C12orf56: variants seen among roughly 807,000 people sequenced by gnomAD.
C12orf56 encodes the protein chromosome 12 open reading frame 56.
C12orf56 carries 71 observed loss-of-function variants against 69.9 expected under a neutral mutation model. The ratio of observed to expected loss-of-function variants is 1.02; its 90% CI spans 0.84 to 1.24. The LOEUF (loss-of-function observed/expected upper bound fraction) is 1.24. Among genes scored for constraint, C12orf56 ranks in the 50% most tolerant of loss-of-function variants. C12orf56 has a pLI of 0.00. For synonymous variants in C12orf56, 276 were observed against 274.1 expected (o/e 1.01, Z -0.07); for missense variants, 732 against 738.5 (o/e 0.99, Z 0.10).
intron 6 of C12orf56, among the ~76,000 whole-genome samples, chr12:64,302,998 C>T (rs2038466107): frequency 6.6e-6 from 1 of 151,928 alleles, no homozygotes; most frequent in Admixed American, 6.6e-5. Flanking sequence ...ACAGGCAGGG[C>T]GCGGTGGTTC....
chr12:64,376,826 G>A (rs2039647874), intron 1 of C12orf56, among the ~76,000 whole-genome samples: 2 of 152,028 alleles, frequency 1.3e-5, no homozygotes, highest in African/African-American at 4.8e-5. Context: ...ATTCCATGGT[G>A]TATATGTACC....
chr12:64,328,645 A>G (rs2038875806), intron 3 of C12orf56, among the ~76,000 whole-genome samples: 1 of 129,484 alleles, frequency 7.7e-6, no homozygotes, highest in South Asian at 2.6e-4. Context: ...GAGCCACTGC[A>G]CTCCAGCCTG....
At chr12:64,284,330 G>A (rs2038171248) in intron 8 of C12orf56, among the ~76,000 whole-genome samples, 1 of 152,204 alleles carries the variant, frequency 6.6e-6, no homozygotes, top group African/African-American at 2.4e-5. Flanking sequence ...CTGTTGTGTG[G>A]ATATAAGGAC....
intron 2 of C12orf56, among the ~76,000 whole-genome samples, chr12:64,347,775 A>T (rs2135945531): frequency 6.6e-6 from 1 of 152,330 alleles, no homozygotes; most frequent in African/African-American, 2.4e-5. Context: ...CTTTTAGTTT[A>T]TGTAACTTTA....
chr12:64,359,876 G>A (rs913943133), intron 1 of C12orf56, among the ~76,000 whole-genome samples: 18 of 152,006 alleles, frequency 1.2e-4, no homozygotes, highest in African/African-American at 3.9e-4. Context: ...CAACATGTCC[G>A]GCTAATTTTT....
intron 11 of C12orf56, among the ~76,000 whole-genome samples, chr12:64,272,203 T>A (rs956299824): frequency 5.3e-5 from 8 of 151,930 alleles, no homozygotes; most frequent in African/African-American, 1.7e-4. Flanking sequence ...TTTTAAAAAT[T>A]TTTTAAAATA....
At chr12:64,329,145 T>G (rs1028097462) in intron 3 of C12orf56, among the ~76,000 whole-genome samples, 1 of 152,124 alleles carries the variant, frequency 6.6e-6, no homozygotes, top group Non-Finnish European at 1.5e-5. Context: ...AAATTTCAAC[T>G]GTCAGATGAA....
intron 1 of C12orf56, among the ~76,000 whole-genome samples, chr12:64,369,157 CAA>C (rs56135769): frequency 1.5e-5 from 2 of 136,954 alleles, no homozygotes. Context: ...CATCTCTCTA[CAA>C]AAAAAAAAAA....
chr12:64,274,256 T>C (rs978845060), intron 11 of C12orf56, among the ~76,000 whole-genome samples: 1 of 146,980 alleles, frequency 6.8e-6, no homozygotes, highest in African/African-American at 2.5e-5. Flanking sequence ...GGGGTGGTGG[T>C]GGGGAGAGGG....
intron 4 of C12orf56, 66 bp downstream of exon 4, chr12:64,318,509 G>A: frequency 7.4e-7 from 1 of 1,342,792 alleles, no homozygotes. Flanking sequence ...AGGGAGGAGG[G>A]CTTGTTTGCT....
Position 64,328,730 on chromosome 12 carries a change from T to TAG in C12orf56, c.488+2229_488+2230insCT, listed in dbSNP as rs1489563875. On this transcript the variant is annotated intron_variant, in intron 3 of 12. Transcript: ENST00000543942. ...AAATATATATATATATATATATATA[T>TAG]ATATATAGTATCACACTTTAACTTA... 9.8e-4 allele frequency among the ~76,000 whole-genome samples: 104 copies of TAG among 106,496 alleles called. 2 individuals are homozygous for TAG. Among genetic ancestry groups the TAG allele is most frequent in the African/African-American group, 3.2e-3 (93 of 29,272 alleles). The allele number at this position is 106,496 out of a possible 152,430, so 69.9% of individuals were successfully genotyped here.
chr12:64,335,039 C>G (rs1010827524), intron 2 of C12orf56, among the ~76,000 whole-genome samples: 7 of 152,130 alleles, frequency 4.6e-5, no homozygotes, highest in African/African-American at 1.7e-4. Context: ...AGAACATCTC[C>G]ATCATTGCCA....
chr12:64,307,131 A>G (rs1163911942), intron 5 of C12orf56, among the ~76,000 whole-genome samples: 1 of 152,138 alleles, frequency 6.6e-6, no homozygotes, highest in Non-Finnish European at 1.5e-5. Context: ...CTTTAAAATC[A>G]CTTTAAATAA....
chr12:64,356,094 G>A (rs2039309245), intron 1 of C12orf56, among the ~76,000 whole-genome samples: 1 of 150,510 alleles, frequency 6.6e-6, no homozygotes, highest in African/African-American at 2.5e-5. Context: ...AACCCGGGAG[G>A]TGGAGGTTGC....
intron 2 of C12orf56, among the ~76,000 whole-genome samples, chr12:64,331,814 A>G (rs993464102): frequency 9.2e-5 from 14 of 152,126 alleles, no homozygotes; most frequent in African/African-American, 3.1e-4. Flanking sequence ...TAAATTACCT[A>G]GTCTAAGGTA....
At chr12:64,314,717 A>G (rs1391120539) in intron 4 of C12orf56, among the ~76,000 whole-genome samples, 3 of 150,940 alleles carry the variant, frequency 2.0e-5, no homozygotes, top group Non-Finnish European at 4.4e-5. Flanking sequence ...TCACGGCAAC[A>G]TCCGCCTCCC....
chr12:64,329,488 T>C lies in C12orf56; in HGVS notation c.488+1472A>G, dbSNP rs1395162956. 6.9e-4 allele frequency among the ~76,000 whole-genome samples: 101 copies of C among 146,096 alleles called. 2 individuals are homozygous for C. In the Admixed American group the frequency reaches 7.2e-3, roughly 10 times the overall value. On this transcript the variant is annotated intron_variant, in intron 3 of 12. Coordinates refer to ENST00000543942, the MANE Select transcript of C12orf56 (RefSeq NM_001170633.2). ...CAATCGTCGGATTATTTTTCTGTAG[T>C]AATGGTTTATTTATTTATTTATTTA...
chr12:64,384,722 A>G (rs1479114923), intron 1 of C12orf56, among the ~76,000 whole-genome samples: 1 of 152,164 alleles, frequency 6.6e-6, no homozygotes, highest in Non-Finnish European at 1.5e-5. Flanking sequence ...GATCTGTAGG[A>G]AATTCATAGA....
chr12:64,373,372 T>C (rs116824541), intron 1 of C12orf56, among the ~76,000 whole-genome samples: 7,141 of 151,976 alleles, frequency 0.047, 560 homozygotes, highest in African/African-American at 0.16. Flanking sequence ...ATTGCTTGAG[T>C]CCAGAAGGCA....
Sources: allele counts gnomAD v4.1 joint callset (sites outside exome capture counted in the v4.1 genomes callset), GRCh38; gene constraint gnomAD v4.1.1; transcripts MANE v1.5; gene names NCBI Gene and HGNC (gene_info 2026-07-23, HGNC 2026-07-21).